The following GSN variants were observed in gnomAD, a reference collection of about 807,000 sequenced individuals.
The protein encoded by GSN is actin-depolymerizing factor.
In GSN, 56 loss-of-function variants were observed where a neutral mutation model predicts 85.7. The ratio of observed to expected loss-of-function variants is 0.65; its 90% CI spans 0.53 to 0.82. The LOEUF (loss-of-function observed/expected upper bound fraction) is 0.82. GSN is among the 40% of genes least tolerant of loss of function. The pLI is 0.00. For missense variants in GSN, 857 were observed against 979.8 expected (o/e 0.87, Z 1.67); for synonymous variants, 373 against 399.1 (o/e 0.93, Z 0.78).
At chr9:121,300,884 T>C (rs1326054463) in intron 2 of GSN, among the ~76,000 whole-genome samples, 1 of 152,040 alleles carries the variant, frequency 6.6e-6, no homozygotes, top group African/African-American at 2.4e-5. Flanking sequence ...GAGAGGGGGC[T>C]CCTGTGGATC....
rs1266539316 is a variant in GSN, at chr9:121,329,778, C to T, written c.1965+463C>T. On this transcript the variant is annotated intron_variant, in intron 16 of 17. Coordinates refer to ENST00000432226, the MANE Select transcript of GSN (RefSeq NM_198252.3). The surrounding 1 kb of genome is among the most constrained non-coding windows in gnomAD (Gnocchi z 4.6). ...TCCTAGAGAAGGCCATTATGTAGGA[C>T]TTGGCAGGGGAAGATGCCATTCACT... is the stretch of plus-strand genomic sequence containing the variant. 6.6e-6 allele frequency among the ~76,000 whole-genome samples: 1 copy of T among 152,314 alleles called. No individual in the cohort carries two copies. Among genetic ancestry groups the T allele is most frequent in the Middle Eastern group, 3.4e-3 (1 of 294 alleles).
intron 4 of GSN, chr9:121,309,837 CTG>C (rs1335526003): frequency 2.6e-5 from 4 of 152,170 alleles, no homozygotes; most frequent in African/African-American, 7.2e-5. Context: ...TGGCTCATAA[CTG>C]TAGTCTTAGC....
intron 2 of GSN, chr9:121,286,465 C>T: frequency 2.6e-6 from 2 of 774,632 alleles, no homozygotes; most frequent in Non-Finnish European, 4.0e-6. Context: ...CTTGTGCAGG[C>T]CACACCCCCA....
chr9:121,217,253 C>T (rs1183421010), intron 4 of GSN, among the ~76,000 whole-genome samples: 1 of 151,882 alleles, frequency 6.6e-6, no homozygotes. Flanking sequence ...GTAATCCCAG[C>T]TACTCAGGAG....
rs1034343351 is a variant in GSN, at chr9:121,330,016, C to T, written c.1965+701C>T. On this transcript the variant is annotated intron_variant, in intron 16 of 17. Transcript: ENST00000432226. ...CTGGCCACGAAGGCATAAGACTCTA[C>T]ACTACCCACAGGGATGCTCGGAATC... is the stretch of plus-strand genomic sequence containing the variant. Among the ~76,000 whole-genome samples, 8 of 152,316 alleles carry T rather than the reference C, an allele frequency of 5.3e-5. No individual in the cohort carries two copies. In the South Asian group the frequency reaches 1.4e-3, roughly 28 times the overall value.
intron 5 of GSN, among the ~76,000 whole-genome samples, chr9:121,233,838 C>T (rs1034727402): frequency 6.6e-6 from 1 of 152,192 alleles, no homozygotes; most frequent in Non-Finnish European, 1.5e-5. Flanking sequence ...TTAGGTGTCA[C>T]CTTGAGCAAT....
intron 2 of GSN, among the ~76,000 whole-genome samples, chr9:121,298,984 C>CAAACA (rs2059480562): frequency 6.6e-6 from 1 of 152,072 alleles, no homozygotes; most frequent in Non-Finnish European, 1.5e-5. Context: ...AAATGGAAAC[C>CAAACA]AAACAAAACA....
intron 2 of GSN, among the ~76,000 whole-genome samples, chr9:121,296,774 A>G (rs1175999606): frequency 1.3e-5 from 2 of 152,106 alleles, no homozygotes; most frequent in African/African-American, 4.8e-5. Flanking sequence ...TGCCCGCATC[A>G]TGGTCTCCAC....
intron 11 of GSN, among the ~76,000 whole-genome samples, chr9:121,324,002 A>G (rs2062833297): frequency 6.6e-6 from 1 of 152,204 alleles, no homozygotes; most frequent in African/African-American, 2.4e-5. Context: ...TATGTTGGTT[A>G]TGGAAAACTT....
chr9:121,323,605 A>G (rs1313161846), intron 11 of GSN, among the ~76,000 whole-genome samples: 3 of 152,160 alleles, frequency 2.0e-5, no homozygotes, highest in East Asian at 3.9e-4. Context: ...CCTGACCTCA[A>G]CTGATCTGCC....
chr9:121,313,950 C>T lies in GSN; in HGVS notation c.680C>T (p.Pro227Leu), dbSNP rs202067009. Residue 227 changes from proline to leucine, a missense_variant, in exon 7 of 18, where the codon CCG (proline) becomes CTG (leucine). Pro to Leu is a moderately conservative substitution (Grantham distance 98). Transcript: ENST00000432226. ...EAMLQVLGPK[P>L]ALPAGTEDTA... ...CTCCTACAGGTGCTGGGCCCCAAGC[C>T]GGCTCTGCCTGCAGGTACCGAGGAC... is the stretch of plus-strand genomic sequence containing the variant. The T allele has an allele frequency of 2.5e-6, 4 of 1,614,040 alleles. No homozygotes were observed. The highest frequency in any genetic ancestry group is 2.2e-5 in the East Asian group (1 of 44,894).
intron 4 of GSN, among the ~76,000 whole-genome samples, chr9:121,224,356 C>A (rs559127229): frequency 6.6e-6 from 1 of 152,168 alleles, no homozygotes; most frequent in African/African-American, 2.4e-5. Flanking sequence ...GCCTCGGCCT[C>A]CCAAAGTGCT....
intron 4 of GSN, chr9:121,308,803 G>T (rs954730080): frequency 2.6e-5 from 4 of 152,294 alleles, no homozygotes; most frequent in African/African-American, 9.6e-5. Context: ...ATGCAGCAAT[G>T]ACACCTCCCT....
chr9:121,326,592 C>T lies in GSN; in HGVS notation c.1497C>T (p.Gly499=). 1 of 1,612,804 alleles carries T rather than the reference C, an allele frequency of 6.2e-7. No individual in the cohort carries two copies. Among genetic ancestry groups the T allele is most frequent in the Non-Finnish European group, 8.5e-7 (1 of 1,179,446 alleles). The part of the protein sequence containing the change: ...GGKPMIIYKG[G]TSREGGQTAP... ...AGCCCATGATCATCTACAAGGGCGGCACCTCCCGCGAGGGCGGGCAGACAG... is the reference window on the plus strand; with the variant it reads ...AGCCCATGATCATCTACAAGGGCGGTACCTCCCGCGAGGGCGGGCAGACAG... The change falls in exon 13 of 18, where the codon GGC becomes GGT. Residue 499 remains glycine, a synonymous_variant. Coordinates refer to ENST00000432226, the MANE Select transcript of GSN (RefSeq NM_198252.3).
Position 121,297,242 on chromosome 9 carries a change from A to T in GSN, c.-9-4721A>T, listed in dbSNP as rs2059303590. Among the ~76,000 whole-genome samples the T allele has an allele frequency of 3.3e-5, 5 of 152,244 alleles. 1 individual carries two copies. Among genetic ancestry groups the T allele is most frequent in the Admixed American group, 3.3e-4 (5 of 15,280 alleles). ...TTGGATATACACTTGTAAAGTTTCA[A>T]ATGCTACGGCAATGCTTTTACAATT... is the stretch of plus-strand genomic sequence containing the variant. On this transcript the variant is annotated intron_variant, in intron 2 of 17. Coordinates refer to ENST00000432226, the MANE Select transcript of GSN (RefSeq NM_198252.3).
At chr9:121,207,922 TATGTG>T (rs2053909221) in intron 1 of GSN, 1 of 114,312 alleles carries the variant, frequency 8.7e-6, no homozygotes, top group Non-Finnish European at 1.7e-5. Context: ...ATCTGGCTAA[TATGTG>T]TGTGTGTGTG....
chr9:121,256,037 T>C (rs906689162), intron 6 of GSN, among the ~76,000 whole-genome samples: 1 of 152,074 alleles, frequency 6.6e-6, no homozygotes, highest in African/African-American at 2.4e-5. Flanking sequence ...ATGAGAGAGA[T>C]GGTGAGTTCT....
rs551585492 is a variant in GSN, at chr9:121,272,431, ATAATGTCAGCC to A, written c.-103+4214_-103+4224del. ...CATTCTGCACTGTAGGGTGGACAGC[ATAATGTCAGCC>A]TTCCCAGCTCTGATGGCCTCTGAGT... is the stretch of plus-strand genomic sequence containing the variant. On this transcript the variant is annotated intron_variant, in intron 1 of 17. Coordinates refer to ENST00000432226, the MANE Select transcript of GSN (RefSeq NM_198252.3). Among the ~76,000 whole-genome samples, 152 of 152,318 alleles carry A rather than the reference ATAATGTCAGCC, an allele frequency of 1.0e-3. 2 individuals are homozygous for A. Among genetic ancestry groups the A allele is most frequent in the African/African-American group, 3.3e-3 (138 of 41,574 alleles).
intron 5 of GSN, among the ~76,000 whole-genome samples, chr9:121,236,810 G>A (rs542600424): frequency 6.6e-6 from 1 of 152,308 alleles, no homozygotes; most frequent in African/African-American, 2.4e-5. Context: ...ACCCTGAAAA[G>A]GCAGAGGTAG....
Sources: gnomAD v4.1 joint callset for allele counts (sites outside exome capture counted in the v4.1 genomes callset) on GRCh38, gnomAD v4.1.1 for gene constraint, Gnocchi (gnomAD v3.1) non-coding constraint, MANE v1.5 for transcripts, NCBI Gene and HGNC (gene_info 2026-07-23, HGNC 2026-07-21) for gene names.